The following SF1 variants were observed in gnomAD, a reference collection of about 807,000 sequenced individuals.
SF1 encodes the protein splicing factor 1, also known as branch point-binding protein.
Under a neutral mutation model 62.5 loss-of-function variants are expected in SF1, and 7 were observed. The ratio of observed to expected loss-of-function variants is 0.11; its 90% CI spans 0.06 to 0.21. The LOEUF (loss-of-function observed/expected upper bound fraction) is 0.21, where lower values mean the gene tolerates loss of function less well. SF1 is among the 10% of genes least tolerant of loss of function. SF1 has a pLI of 1.00. For missense variants in SF1, 578 were observed against 884.0 expected (o/e 0.65, Z 4.39); for synonymous variants, 394 against 323.6 (o/e 1.22, Z -2.33).
At chr11:64,775,544 A>T (rs1036619750) in intron 2 of SF1, among the ~76,000 whole-genome samples, 2 of 152,194 alleles carry the variant, frequency 1.3e-5, no homozygotes, top group African/African-American at 2.4e-5. Flanking sequence ...AAAAACAGGA[A>T]ATTAAGACCC....
chr11:64,777,983 T>A, intron 1 of SF1: 2 of 994,516 alleles, frequency 2.0e-6, no homozygotes, highest in Non-Finnish European at 2.4e-6. Flanking sequence ...TCGGCCCGAC[T>A]CACCTCCTCC....
At chr11:64,770,444 C>T (rs1387358225) in intron 3 of SF1, 36 bp from the exon 4 acceptor site, 8 of 1,597,758 alleles carry the variant, frequency 5.0e-6, no homozygotes, top group East Asian at 2.3e-5. Context: ...TATTCTGCAC[C>T]GACTTCTCTC....
At chr11:64,767,480 C>T in intron 10 of SF1, 91 bp downstream of exon 10, 1 of 1,339,020 alleles carries the variant, frequency 7.5e-7, no homozygotes, top group Non-Finnish European at 1.0e-6. Context: ...ATTGCCCAGC[C>T]ACTTGAGAGC....
chr11:64,775,159 G>A (rs972199881), intron 2 of SF1, among the ~76,000 whole-genome samples: 6 of 152,108 alleles, frequency 3.9e-5, no homozygotes, highest in African/African-American at 9.7e-5. Flanking sequence ...CTTCCTAGCT[G>A]ACTATGGAGA....
chr11:64,773,102 G>A, intron 3 of SF1: 1 of 1,164,956 alleles, frequency 8.6e-7, no homozygotes. Context: ...TTTGGCCAAA[G>A]CAGGTACTGA....
intron 8 of SF1, 90 bp from the exon 9 acceptor site, chr11:64,768,376 T>G: frequency 8.0e-7 from 1 of 1,245,276 alleles, no homozygotes; most frequent in Non-Finnish European, 1.2e-6. Context: ...TATGGAAAGT[T>G]CTGAAGAATT....
At position 64,767,695 on chromosome 11, in the gene SF1, A is replaced by C. The variant is rs1261904965; in HGVS notation, c.1218T>G (p.Gly406=). The change falls in exon 10 of 13, where the codon GGT becomes GGG. Residue 406 remains glycine (G), a synonymous_variant. Coordinates refer to ENST00000377390, the MANE Select transcript of SF1 (RefSeq NM_004630.4). ...SFPHPLPSLT[G]GHGGHPMQHN... is the part of the protein sequence containing the mutation. Reference sequence around the variant, plus strand: ...GCTGCATGGGATGTCCACCATGCCCACCTGTCAGGCTGGGTAATGGGTGTG... The same window carrying C: ...GCTGCATGGGATGTCCACCATGCCCCCCTGTCAGGCTGGGTAATGGGTGTG... 6.2e-7 allele frequency: 1 copy of C among 1,611,240 alleles called. No homozygotes were observed. Among genetic ancestry groups the C allele is most frequent in the Non-Finnish European group, 8.5e-7 (1 of 1,178,660 alleles).
At chr11:64,766,198 A>C in intron 12 of SF1, 43 bp from the exon 13 acceptor site, 3 of 1,502,970 alleles carry the variant, frequency 2.0e-6, no homozygotes, top group Non-Finnish European at 2.7e-6. Context: ...GCGGGGGCAC[A>C]CCGCGGCTGT....
chr11:64,777,518 T>C, intron 1 of SF1: 1 of 985,414 alleles, frequency 1.0e-6, no homozygotes, highest in Middle Eastern at 5.2e-4. Context: ...ATGAAAACCC[T>C]GCCTTGCTGT....
rs200685412 is a variant in SF1, at chr11:64,768,129, G to C, written c.1045C>G (p.Pro349Ala). Residue 349 changes from proline (P) to alanine (A), a missense_variant, in exon 9 of 13, where the codon CCC (proline) becomes GCC (alanine). Pro to Ala is a conservative substitution (Grantham distance 27). This residue lies in a region of SF1 where 410 missense variants were observed against 452.4 expected (regional missense o/e 0.91). Transcript: ENST00000377390. Reference protein sequence around the residue: ...PLASAPRPAAPANNPPPPSLM... With the variant: ...PLASAPRPAAAANNPPPPSLM... Reference sequence around the variant, plus strand: ...ACCGGTGGAGGTGGGTTGTTGGCGGGAGCAGCAGGACGAGGTGCGCTGGCC... The same window carrying C: ...ACCGGTGGAGGTGGGTTGTTGGCGGCAGCAGCAGGACGAGGTGCGCTGGCC... The C allele has an allele frequency of 1.9e-6, 3 of 1,612,072 alleles. No individual in the cohort carries two copies. The highest frequency in any genetic ancestry group is 1.7e-6 in the Non-Finnish European group (2 of 1,179,046).
At position 64,765,989 on chromosome 11, in the gene SF1, G is replaced by T; in HGVS notation, c.1749C>A (p.Pro583=). ...AACCAGGCGGTGGAGGCGGCGGAGG[G>T]GGAGGGGCCCCAGGCGGCAGAGGCG... ...VQPPLPPGAP[P]PPPPPPPGSA... Residue 583 remains proline, a synonymous_variant, in exon 13 of 13, where the codon CCC becomes CCA. Coordinates refer to ENST00000377390, the MANE Select transcript of SF1 (RefSeq NM_004630.4). 6.2e-7 allele frequency: 1 copy of T among 1,604,376 alleles called. No individual in the cohort carries two copies. The highest frequency in any genetic ancestry group is 1.1e-5 in the South Asian group (1 of 90,600).
intron 2 of SF1, 117 bp from the exon 3 acceptor site, chr11:64,773,622 C>A: frequency 2.5e-6 from 3 of 1,190,610 alleles, no homozygotes; most frequent in Non-Finnish European, 3.5e-6. Flanking sequence ...AAAGGGACGA[C>A]TGATCAGTGA....
chr11:64,776,669 GT>G, intron 1 of SF1, 43 bp from the exon 2 acceptor site: 1 of 1,591,496 alleles, frequency 6.3e-7, no homozygotes, highest in Non-Finnish European at 8.6e-7. Context: ...AATACAAGTA[GT>G]TATCAACAGA....
At chr11:64,768,342 A>G in intron 8 of SF1, 56 bp from the exon 9 acceptor site, 1 of 1,549,450 alleles carries the variant, frequency 6.5e-7, no homozygotes, top group Admixed American at 1.9e-5. Context: ...TTAAGAAGGA[A>G]GCTTTTATCC....
chr11:64,778,223 C>G lies in SF1; in HGVS notation c.31+139G>C, dbSNP rs1397105539. On this transcript the variant is annotated intron_variant, in intron 1 of 12. Coordinates refer to ENST00000377390, the MANE Select transcript of SF1 (RefSeq NM_004630.4). ...GAAGGGGAAGGCCGCGGTCAGGGCCCCCATCGAGCCCACGGGCGGGGGCGG... is the reference window on the plus strand; with the variant it reads ...GAAGGGGAAGGCCGCGGTCAGGGCCGCCATCGAGCCCACGGGCGGGGGCGG... 10 of 1,168,680 alleles carry G rather than the reference C, an allele frequency of 8.6e-6. No individual in the cohort carries two copies. In the East Asian group the frequency reaches 2.8e-4, roughly 33 times the overall value. The allele number at this position is 1,168,680 out of a possible 1,614,324, so 72.4% of individuals were successfully genotyped here. A position where few individuals can be genotyped will look rare whatever the true frequency, so the allele number is the denominator to read the frequency against.
In SF1 at chr11:64,769,597, C is replaced by T; in HGVS notation, c.492G>A (p.Leu164=). 1 of 1,613,838 alleles carries T rather than the reference C, an allele frequency of 6.2e-7. No individual in the cohort carries two copies. Among genetic ancestry groups the T allele is most frequent in the Non-Finnish European group, 8.5e-7 (1 of 1,179,826 alleles). ...GLLIGPRGNT[L]KNIEKECNAK... ...CATTGCACTCCTTCTCTATGTTCTT[C>T]AGGGTGTTCCCTCTAGAGAGGCAGA... Residue 164 remains leucine (L), a synonymous_variant, in exon 6 of 13, where the codon CTG becomes CTA. Coordinates refer to ENST00000377390, the MANE Select transcript of SF1 (RefSeq NM_004630.4).
intron 1 of SF1, chr11:64,777,896 C>G (rs1161784747): frequency 5.3e-6 from 5 of 941,546 alleles, no homozygotes; most frequent in Non-Finnish European, 6.3e-6. Flanking sequence ...GCGCCCCTGC[C>G]GCGTGCAGCC....
intron 2 of SF1, among the ~76,000 whole-genome samples, chr11:64,774,938 C>T (rs542704993): frequency 6.9e-6 from 1 of 145,710 alleles, no homozygotes; most frequent in East Asian, 2.0e-4. Context: ...TCCAGCCTGG[C>T]GACACAGCAA....
intron 2 of SF1, among the ~76,000 whole-genome samples, chr11:64,774,122 C>T (rs1278583253): frequency 6.6e-6 from 1 of 152,196 alleles, no homozygotes; most frequent in Non-Finnish European, 1.5e-5. Flanking sequence ...AAGGGTCTCC[C>T]AATACCTGCA....
Sources: gnomAD v4.1 joint callset for allele counts (sites outside exome capture counted in the v4.1 genomes callset) on GRCh38, gnomAD v4.1.1 for gene constraint, gnomAD v4.1.1 regional missense constraint, MANE v1.5 for transcripts, NCBI Gene and HGNC (gene_info 2026-07-23, HGNC 2026-07-21) for gene names.